C1QTNF7: variants seen among roughly 807,000 people sequenced by gnomAD.
C1QTNF7 encodes the protein complement C1q tumor necrosis factor-related protein 7.
C1QTNF7 carries 15 observed loss-of-function variants against 19.6 expected under a neutral mutation model. That is an observed-to-expected ratio of 0.76 (90% confidence interval 0.51 to 1.18). C1QTNF7 has a LOEUF of 1.18. Among genes scored for constraint, C1QTNF7 ranks in the 50% most tolerant of loss-of-function variants. The pLI, the probability that C1QTNF7 is intolerant of heterozygous loss-of-function variation, is 0.00. For missense variants in C1QTNF7, 324 were observed against 359.7 expected (o/e 0.90, Z 0.80); for synonymous variants, 142 against 137.5 (o/e 1.03, Z -0.23).
intron 1 of C1QTNF7, among the ~76,000 whole-genome samples, chr4:15,346,869 C>T (rs776840881): frequency 2.0e-5 from 3 of 152,174 alleles, no homozygotes; most frequent in Non-Finnish European, 4.4e-5. Flanking sequence ...TACCACTCTC[C>T]TCCATATTCC....
chr4:15,382,971 A>G (rs1577247935), intron 1 of C1QTNF7, among the ~76,000 whole-genome samples: 1 of 152,332 alleles, frequency 6.6e-6, no homozygotes, highest in East Asian at 1.9e-4. Context: ...ATCAAAACAG[A>G]CAAAAATCCC....
At chr4:15,408,552 A>G (rs1350601477) in intron 1 of C1QTNF7, among the ~76,000 whole-genome samples, 2 of 152,116 alleles carry the variant, frequency 1.3e-5, no homozygotes, top group Non-Finnish European at 2.9e-5. Context: ...ATAAGTATGT[A>G]TGTACAGATA....
At chr4:15,383,590 A>G (rs1718226217) in intron 1 of C1QTNF7, among the ~76,000 whole-genome samples, 1 of 152,262 alleles carries the variant, frequency 6.6e-6, no homozygotes, top group Admixed American at 6.5e-5. Context: ...GGCCTTAGCC[A>G]GAACACTGTA....
Position 15,430,583 on chromosome 4 carries a change from T to C in C1QTNF7, c.-9+2477T>C, listed in dbSNP as rs182242597. On this transcript the variant is annotated intron_variant, in intron 1 of 2. Coordinates refer to ENST00000444304, the MANE Select transcript of C1QTNF7 (RefSeq NM_031911.5). The stretch of plus-strand genomic sequence containing the variant: ...AATAGTCTTTAATTGGATTGTGATG[T>C]ACATTAAGTTGTACACTTTGGTAAA... Among the ~76,000 whole-genome samples the C allele has an allele frequency of 4.6e-5, 7 of 152,356 alleles. No homozygotes were observed. The East Asian group carries it at 1.3e-3, about 29-fold the overall frequency.
chr4:15,355,799 C>CA (rs1717124095), intron 1 of C1QTNF7, among the ~76,000 whole-genome samples: 1 of 152,096 alleles, frequency 6.6e-6, no homozygotes, highest in African/African-American at 2.4e-5. Context: ...GCAGCTTTAA[C>CA]AAAAACCCTT....
intron 1 of C1QTNF7, chr4:15,374,880 T>A (rs1717873914): frequency 1.2e-5 from 7 of 562,976 alleles, no homozygotes; most frequent in Non-Finnish European, 1.6e-5. Flanking sequence ...TCTTTTTTTT[T>A]ATGATGTTCA....
chr4:15,353,918 A>C (rs1717026889), intron 1 of C1QTNF7, among the ~76,000 whole-genome samples: 1 of 152,042 alleles, frequency 6.6e-6, no homozygotes, highest in Non-Finnish European at 1.5e-5. Context: ...TCATACAATG[A>C]CTCTAGAGGC....
chr4:15,362,387 G>A (rs1474425457), intron 1 of C1QTNF7: 2 of 152,088 alleles, frequency 1.3e-5, no homozygotes, highest in Admixed American at 6.6e-5. Flanking sequence ...CCTCCCCTAA[G>A]TCTGGCCCAT....
chr4:15,417,009 C>T (rs2108922045), intron 1 of C1QTNF7, among the ~76,000 whole-genome samples: 1 of 152,264 alleles, frequency 6.6e-6, no homozygotes, highest in Admixed American at 6.5e-5. Context: ...TTTTTCTTTT[C>T]CTCCAGATCT....
At chr4:15,341,046 T>G (rs1019129417) in intron 1 of C1QTNF7, among the ~76,000 whole-genome samples, 4 of 152,256 alleles carry the variant, frequency 2.6e-5, no homozygotes, top group African/African-American at 9.6e-5. Context: ...CCCATCTGTC[T>G]GAGGCACAAT....
intron 1 of C1QTNF7, among the ~76,000 whole-genome samples, chr4:15,404,083 CT>C (rs1210438712): frequency 6.6e-6 from 1 of 151,932 alleles, no homozygotes; most frequent in Non-Finnish European, 1.5e-5. Flanking sequence ...ATGGATTCAC[CT>C]TAGTTTATTT....
At chr4:15,342,930 C>A (rs961649409) in intron 1 of C1QTNF7, among the ~76,000 whole-genome samples, 1 of 152,142 alleles carries the variant, frequency 6.6e-6, no homozygotes, top group Non-Finnish European at 1.5e-5. Context: ...GAACTTCGGC[C>A]CATTCAAACA....
chr4:15,360,008 C>T (rs1468683903), intron 1 of C1QTNF7, among the ~76,000 whole-genome samples: 1 of 152,172 alleles, frequency 6.6e-6, no homozygotes, highest in African/African-American at 2.4e-5. Context: ...CAGAGTTAGA[C>T]CTGAGTGGTG....
At chr4:15,415,959 T>C (rs975326885) in intron 1 of C1QTNF7, among the ~76,000 whole-genome samples, 1 of 152,222 alleles carries the variant, frequency 6.6e-6, no homozygotes, top group Non-Finnish European at 1.5e-5. Flanking sequence ...AAATCATTTA[T>C]AACATCAAAA....
At chr4:15,379,504 T>C (rs1211543792) in intron 1 of C1QTNF7, among the ~76,000 whole-genome samples, 1 of 152,204 alleles carries the variant, frequency 6.6e-6, no homozygotes, top group Non-Finnish European at 1.5e-5. Context: ...TGAAGCTTAG[T>C]GATGTTAAAT....
intron 1 of C1QTNF7, among the ~76,000 whole-genome samples, chr4:15,382,793 CT>C (rs1460835249): frequency 2.3e-4 from 35 of 152,202 alleles, no homozygotes; most frequent in African/African-American, 8.2e-4. Flanking sequence ...CCCTTCCATA[CT>C]GTTAATCTAA....
At chr4:15,361,630 C>A (rs1171903553) in intron 1 of C1QTNF7, among the ~76,000 whole-genome samples, 2 of 152,080 alleles carry the variant, frequency 1.3e-5, no homozygotes, top group African/African-American at 4.8e-5. Flanking sequence ...GACATTCAAG[C>A]CCAGTTTGCT....
intron 1 of C1QTNF7, among the ~76,000 whole-genome samples, chr4:15,379,841 G>T (rs559033654): frequency 1.3e-5 from 2 of 152,302 alleles, no homozygotes; most frequent in South Asian, 4.1e-4. Flanking sequence ...GATTCCTCAA[G>T]TTCCTTTCTA....
chr4:15,380,724 C>T (rs1718108515), intron 1 of C1QTNF7, among the ~76,000 whole-genome samples: 1 of 151,942 alleles, frequency 6.6e-6, no homozygotes. Flanking sequence ...CACTTGAGGC[C>T]AGGCGTTTGA....
Sources: gnomAD v4.1 joint callset for allele counts (sites outside exome capture counted in the v4.1 genomes callset) on GRCh38, gnomAD v4.1.1 for gene constraint, MANE v1.5 for transcripts, NCBI Gene and HGNC (gene_info 2026-07-23, HGNC 2026-07-21) for gene names.